CSMD1: variants seen among roughly 807,000 people sequenced by gnomAD.
CSMD1 encodes CUB and Sushi multiple domains 1, also known as CUB and sushi domain-containing protein 1.
A neutral mutation model predicts 417.5 loss-of-function variants in CSMD1; 213 were observed. The ratio of observed to expected loss-of-function variants is 0.51; its 90% CI spans 0.46 to 0.57. CSMD1 has a LOEUF of 0.57. CSMD1 is among the 20% of genes least tolerant of loss of function. The probability of loss-of-function intolerance (pLI) is 0.00; values close to 1 mark genes in which losing one functional copy is unlikely to be tolerated. For missense variants in CSMD1, 6,923 were observed against 4,529.7 expected (o/e 1.53, Z -15.17); for synonymous variants, 2,862 against 1,736.8 (o/e 1.65, Z -16.11).
chr8:4,131,926 C>A (rs895479398), intron 3 of CSMD1, among the ~76,000 whole-genome samples: 1 of 151,966 alleles, frequency 6.6e-6, no homozygotes, highest in Non-Finnish European at 1.5e-5. Flanking sequence ...CCACACCTGG[C>A]TACTTTTTTG....
At chr8:3,381,295 C>A (rs1563329683) in intron 18 of CSMD1, among the ~76,000 whole-genome samples, 1 of 151,936 alleles carries the variant, frequency 6.6e-6, no homozygotes, top group South Asian at 2.1e-4. Flanking sequence ...GCAGCTTACA[C>A]ACACCCTATG....
intron 2 of CSMD1, among the ~76,000 whole-genome samples, chr8:4,484,980 CAAAAAAAAAAAAAAAAAAAAAA>C (rs57398278): frequency 5.2e-4 from 28 of 53,940 alleles, no homozygotes; most frequent in South Asian, 2.1e-3. Flanking sequence ...GACTCTGCCT[CAAAAAAAAAAAAAAAAAAAAAA>C]AAAAAAAAAA....
At chr8:3,711,672 C>G (rs4498582) in intron 6 of CSMD1, among the ~76,000 whole-genome samples, 45,720 of 151,916 alleles carry the variant, frequency 0.3, 7,449 homozygotes, top group East Asian at 0.49. Context: ...TTCTGCGGTT[C>G]TCCTGGTGGC....
chr8:4,429,166 A>G (rs1408694460), intron 2 of CSMD1, among the ~76,000 whole-genome samples: 1 of 150,698 alleles, frequency 6.6e-6, no homozygotes, highest in African/African-American at 2.4e-5. Context: ...TATATAATAT[A>G]TATTTATATA....
At chr8:3,350,441 C>T (rs189988370) in intron 21 of CSMD1, among the ~76,000 whole-genome samples, 33 of 152,184 alleles carry the variant, frequency 2.2e-4, no homozygotes, top group Admixed American at 5.2e-4. Context: ...TTCCCAAGGT[C>T]ACACAGCTAG....
At chr8:4,083,818 A>T (rs1266756099) in intron 3 of CSMD1, among the ~76,000 whole-genome samples, 1 of 152,212 alleles carries the variant, frequency 6.6e-6, no homozygotes, top group African/African-American at 2.4e-5. Flanking sequence ...AAGCAATGGC[A>T]ACAAAAGCCA....
In CSMD1 at chr8:4,655,298, C is replaced by T. The variant is rs556996382; in HGVS notation, c.86-17740G>A. On this transcript the variant is annotated intron_variant, in intron 1 of 69. Coordinates refer to ENST00000635120, the MANE Select transcript of CSMD1 (RefSeq NM_033225.6). ...CACTGCCATGCTGCTATCCTGGCTG[C>T]CTGGCTGATCCTAGTTCCTCAATGG... Among the ~76,000 whole-genome samples, 235 of 152,198 alleles carry T rather than the reference C, an allele frequency of 1.5e-3. 1 individual carries two copies. Among genetic ancestry groups the T allele is most frequent in the Middle Eastern group, 6.8e-3 (2 of 294 alleles).
intron 3 of CSMD1, among the ~76,000 whole-genome samples, chr8:4,373,445 C>T (rs755068870): frequency 6.6e-6 from 1 of 152,150 alleles, no homozygotes; most frequent in Non-Finnish European, 1.5e-5. Flanking sequence ...TTTGAAAACA[C>T]TGCAATATCT....
At chr8:4,616,734 T>C (rs546386827) in intron 2 of CSMD1, among the ~76,000 whole-genome samples, 1 of 152,320 alleles carries the variant, frequency 6.6e-6, no homozygotes, top group South Asian at 2.1e-4. Context: ...ATCATCATTG[T>C]GTATGTTTTC....
At chr8:4,412,144 A>G (rs1438370057) in intron 3 of CSMD1, among the ~76,000 whole-genome samples, 1 of 152,118 alleles carries the variant, frequency 6.6e-6, no homozygotes, top group East Asian at 1.9e-4. Context: ...TTAGCTAAAT[A>G]TCTCAATGTG....
intron 8 of CSMD1, among the ~76,000 whole-genome samples, chr8:3,611,908 C>T (rs1276275514): frequency 6.6e-6 from 1 of 151,986 alleles, no homozygotes; most frequent in African/African-American, 2.4e-5. Flanking sequence ...ATTTTCAAAA[C>T]CCCATATCCA....
At chr8:4,353,414 T>G (rs1220512010) in intron 3 of CSMD1, among the ~76,000 whole-genome samples, 1 of 152,142 alleles carries the variant, frequency 6.6e-6, no homozygotes, top group Non-Finnish European at 1.5e-5. Flanking sequence ...TAAACCTCTT[T>G]CCTTTATAAA....
chr8:4,374,983 G>C lies in CSMD1; in HGVS notation c.415+44970C>G, dbSNP rs554382878. Among the ~76,000 whole-genome samples, 619 of 143,318 alleles carry C rather than the reference G, an allele frequency of 4.3e-3. 12 individuals carry two copies. Among genetic ancestry groups the C allele is most frequent in the African/African-American group, 0.015 (572 of 37,922 alleles). The allele number at this position is 143,318 out of a possible 152,430, so 94.0% of individuals were successfully genotyped here. The stretch of plus-strand genomic sequence containing the variant: ...GGGTGGGGGGGGGGGGCGATAGTGG[G>C]GGTACGGGCAAGGAGCAATAGTGGG... On this transcript the variant is annotated intron_variant, in intron 3 of 69. Coordinates refer to ENST00000635120, the MANE Select transcript of CSMD1 (RefSeq NM_033225.6).
intron 3 of CSMD1, among the ~76,000 whole-genome samples, chr8:4,353,444 T>C (rs566943652): frequency 1.3e-5 from 2 of 152,134 alleles, no homozygotes. Flanking sequence ...CTCGAGTATG[T>C]CTTTATTAGC....
chr8:4,185,207 G>T (rs11136707), intron 3 of CSMD1, among the ~76,000 whole-genome samples: 1 of 148,726 alleles, frequency 6.7e-6, no homozygotes. Context: ...ATGCAAAAAT[G>T]AGTACAGGCT....
At chr8:3,034,458 C>G (rs1230109271) in intron 50 of CSMD1, among the ~76,000 whole-genome samples, 1 of 152,122 alleles carries the variant, frequency 6.6e-6, no homozygotes, top group African/African-American at 2.4e-5. Context: ...AATAGTTCAA[C>G]TAAGTCCCAG....
At chr8:3,308,983 C>A (rs979641819) in intron 23 of CSMD1, among the ~76,000 whole-genome samples, 1 of 152,118 alleles carries the variant, frequency 6.6e-6, no homozygotes, top group Non-Finnish European at 1.5e-5. Context: ...CTCAGCCTCC[C>A]AAAGTGCTGG....
At chr8:3,958,490 G>A (rs538480553) in intron 5 of CSMD1, among the ~76,000 whole-genome samples, 1 of 152,066 alleles carries the variant, frequency 6.6e-6, no homozygotes, top group South Asian at 2.1e-4. Flanking sequence ...AATTGTTCCT[G>A]CTTATCACTA....
intron 3 of CSMD1, among the ~76,000 whole-genome samples, chr8:4,087,150 A>G (rs1452466682): frequency 6.6e-6 from 1 of 152,146 alleles, no homozygotes; most frequent in Non-Finnish European, 1.5e-5. Flanking sequence ...GAAATGGAAC[A>G]AAGACCCACT....
Sources: allele counts gnomAD v4.1 joint callset (sites outside exome capture counted in the v4.1 genomes callset), GRCh38; gene constraint gnomAD v4.1.1; transcripts MANE v1.5; gene names NCBI Gene and HGNC (gene_info 2026-07-23, HGNC 2026-07-21).